ALMS1: variants seen among roughly 807,000 people sequenced by gnomAD.
ALMS1 encodes the protein centrosome-associated protein ALMS1.
A neutral mutation model predicts 352.2 loss-of-function variants in ALMS1; 271 were observed. The observed-to-expected ratio is 0.77, with a 90% CI of 0.70 to 0.85. ALMS1 has a LOEUF of 0.85. ALMS1 is among the 40% of genes least tolerant of loss of function. The pLI, the probability that ALMS1 is intolerant of heterozygous loss-of-function variation, is 0.00. For synonymous variants in ALMS1, 1,865 were observed against 1,761.2 expected, an observed-to-expected ratio of 1.06 and a Z score of -1.48; for missense variants, 5,445 against 4,870.7, an observed-to-expected ratio of 1.12 and a Z score of -3.51.
At chr2:73,541,992 G>A (rs1286621321) in intron 12 of ALMS1, among the ~76,000 whole-genome samples, 1 of 152,202 alleles carries the variant, frequency 6.6e-6, no homozygotes, top group African/African-American at 2.4e-5. Context: ...AATAGAAAAA[G>A]AGGGAATCCT....
At position 73,448,859 on chromosome 2, in the gene ALMS1, T is replaced by G. The variant is rs751236379; in HGVS notation, c.2332T>G (p.Leu778Val). The change falls in exon 8 of 23, where the codon TTA (leucine) becomes GTA (valine). Residue 778 changes from leucine (L) to valine (V), a missense_variant. Physicochemically the swap from Leu to Val is conservative, Grantham distance 32. Coordinates refer to ENST00000613296, the MANE Select transcript of ALMS1 (RefSeq NM_001378454.1). ...GCCTAGTATTTTGTACCCACAGGAC[T>G]TAGCAGACAGTCATCTACCTGAAGA... is the stretch of plus-strand genomic sequence containing the variant. ...EKPSILYPQD[L>V]ADSHLPEEGL... The G allele has an allele frequency of 1.2e-6, 2 of 1,613,934 alleles. No homozygotes were observed. Among genetic ancestry groups the G allele is most frequent in the South Asian group, 2.2e-5 (2 of 91,076 alleles).
chr2:73,530,153 T>G (rs1673878915), intron 11 of ALMS1, among the ~76,000 whole-genome samples: 1 of 152,222 alleles, frequency 6.6e-6, no homozygotes, highest in African/African-American at 2.4e-5. Flanking sequence ...CAACTCATTC[T>G]AGCATTAACC....
intron 10 of ALMS1, among the ~76,000 whole-genome samples, chr2:73,502,569 C>T (rs1351931059): frequency 6.6e-6 from 1 of 152,008 alleles, no homozygotes; most frequent in Non-Finnish European, 1.5e-5. Context: ...TGCCTTTTAT[C>T]AGCTTGAGGA....
chr2:73,423,019 A>G (rs748622658), intron 4 of ALMS1, 45 bp downstream of exon 4: 3 of 1,505,996 alleles, frequency 2.0e-6, no homozygotes, highest in African/African-American at 2.8e-5. Context: ...TTCTTGTTCT[A>G]TGTTTTTACT....
chr2:73,437,169 C>T (rs142473376), intron 7 of ALMS1, among the ~76,000 whole-genome samples: 3 of 152,284 alleles, frequency 2.0e-5, no homozygotes, highest in Non-Finnish European at 2.9e-5. Flanking sequence ...AAGTCATTCT[C>T]CTTATGGAGA....
intron 9 of ALMS1, among the ~76,000 whole-genome samples, chr2:73,483,320 T>G (rs1672754713): frequency 6.6e-6 from 1 of 151,576 alleles, no homozygotes; most frequent in Non-Finnish European, 1.5e-5. Flanking sequence ...GTGCCTTCAT[T>G]TCGTTATGTA....
At chr2:73,589,877 G>A (rs575978535) in intron 16 of ALMS1, among the ~76,000 whole-genome samples, 1 of 152,206 alleles carries the variant, frequency 6.6e-6, no homozygotes, top group East Asian at 1.9e-4. Flanking sequence ...GGAATTCTTG[G>A]CTTACAGGCT....
chr2:73,491,729 G>A (rs191919695), intron 10 of ALMS1, among the ~76,000 whole-genome samples: 1 of 152,270 alleles, frequency 6.6e-6, no homozygotes, highest in East Asian at 1.9e-4. Flanking sequence ...TTGACATCAA[G>A]TGTTTTTAAA....
intron 6 of ALMS1, among the ~76,000 whole-genome samples, chr2:73,429,691 A>G (rs1259015974): frequency 6.6e-6 from 1 of 152,072 alleles, no homozygotes; most frequent in Non-Finnish European, 1.5e-5. Context: ...CCACCTTTGG[A>G]GACCTAGTTG....
chr2:73,545,513 TA>T (rs552882303), intron 12 of ALMS1, among the ~76,000 whole-genome samples: 1 of 152,188 alleles, frequency 6.6e-6, no homozygotes, highest in Non-Finnish European at 1.5e-5. Flanking sequence ...TTACCACAGT[TA>T]AAAAAACTTA....
chr2:73,547,230 A>T (rs929528498), intron 12 of ALMS1, among the ~76,000 whole-genome samples: 1 of 152,152 alleles, frequency 6.6e-6, no homozygotes, highest in East Asian at 1.9e-4. Context: ...TACATTTTTG[A>T]CTAACAGTAT....
At chr2:73,557,829 A>C (rs1020208346) in intron 14 of ALMS1, among the ~76,000 whole-genome samples, 1 of 152,240 alleles carries the variant, frequency 6.6e-6, no homozygotes, top group Non-Finnish European at 1.5e-5. Context: ...TGACTCAGAG[A>C]GGAAAACAAA....
At chr2:73,430,881 T>A (rs1671486002) in intron 6 of ALMS1, among the ~76,000 whole-genome samples, 1 of 151,984 alleles carries the variant, frequency 6.6e-6, no homozygotes, top group Non-Finnish European at 1.5e-5. Flanking sequence ...TGACTGCATA[T>A]TATATATATG....
intron 14 of ALMS1, 114 bp downstream of exon 14, chr2:73,557,468 C>T: frequency 7.3e-7 from 1 of 1,368,886 alleles, no homozygotes; most frequent in Non-Finnish European, 1.0e-6. Flanking sequence ...CTGTCTTCAG[C>T]TCTCTTCTAT....
intron 9 of ALMS1, among the ~76,000 whole-genome samples, chr2:73,481,342 C>T (rs1232486800): frequency 6.6e-6 from 1 of 152,092 alleles, no homozygotes; most frequent in East Asian, 1.9e-4. Flanking sequence ...GAATCCTTTC[C>T]CCATTGCTTG....
At chr2:73,519,049 T>A (rs1481598631) in intron 10 of ALMS1, among the ~76,000 whole-genome samples, 1 of 152,230 alleles carries the variant, frequency 6.6e-6, no homozygotes, top group Non-Finnish European at 1.5e-5. Flanking sequence ...ATCCACATCA[T>A]CACTGGTGAT....
chr2:73,455,121 C>G, intron 8 of ALMS1, 41 bp from the exon 9 acceptor site: 2 of 1,609,210 alleles, frequency 1.2e-6, no homozygotes, highest in Non-Finnish European at 1.7e-6. Flanking sequence ...CAAATTATCA[C>G]TTTTGCATTG....
chr2:73,508,514 T>G (rs1277099715), intron 10 of ALMS1, among the ~76,000 whole-genome samples: 1 of 152,126 alleles, frequency 6.6e-6, no homozygotes, highest in East Asian at 1.9e-4. Context: ...TGAGTGAGTT[T>G]CTTAATCCTG....
Position 73,491,187 on chromosome 2 carries a change from A to G in ALMS1, c.9228A>G (p.Lys3076=), listed in dbSNP as rs763027530. 2 of 1,614,200 alleles carry G rather than the reference A, an allele frequency of 1.2e-6. No homozygotes were observed. Among genetic ancestry groups the G allele is most frequent in the Non-Finnish European group, 1.7e-6 (2 of 1,180,026 alleles). ...TCCATTCATTGGATGCTGCTTCTAA[A>G]GCGAGGATGAATAGTGAGTTTAACT... ...ERFHSLDAAS[K]ARMNSEFNFD... is the part of the protein sequence containing the mutation. The change falls in exon 10 of 23, where the codon AAA becomes AAG. Residue 3076 remains lysine, a synonymous_variant. Transcript: ENST00000613296.
Sources: allele counts gnomAD v4.1 joint callset (sites outside exome capture counted in the v4.1 genomes callset), GRCh38; gene constraint gnomAD v4.1.1; transcripts MANE v1.5; gene names NCBI Gene and HGNC (gene_info 2026-07-23, HGNC 2026-07-21).